The following GSAP variants were observed in gnomAD, a reference collection of about 807,000 sequenced individuals.
The protein encoded by GSAP is gamma-secretase activating protein.
GSAP carries 118 observed loss-of-function variants against 131.7 expected under a neutral mutation model. The ratio of observed to expected loss-of-function variants is 0.90; its 90% CI spans 0.77 to 1.04. The LOEUF (loss-of-function observed/expected upper bound fraction) is 1.04. GSAP is among the 50% of genes least tolerant of loss of function. The probability of loss-of-function intolerance (pLI) is 0.00; values close to 1 mark genes in which losing one functional copy is unlikely to be tolerated. For missense variants in GSAP, 1,019 were observed against 1,013.2 expected, an observed-to-expected ratio of 1.01 and a Z score of -0.08; for synonymous variants, 381 against 363.4, an observed-to-expected ratio of 1.05 and a Z score of -0.55.
At chr7:77,321,441 T>G in intron 24 of GSAP, 38 bp from the exon 25 acceptor site, 1 of 1,375,082 alleles carries the variant, frequency 7.3e-7, no homozygotes, top group Non-Finnish European at 1.0e-6. Flanking sequence ...ATTGCTCCAT[T>G]CCTTCCCTCA....
Position 77,381,362 on chromosome 7 carries a change from A to C in GSAP, c.527-8T>G. Reference sequence around the variant, plus strand: ...TACGAAATTGTTCAATATCTTTAAAAGAAAAACAAAGAAAGATAATTTAAC... The same window carrying C: ...TACGAAATTGTTCAATATCTTTAAACGAAAAACAAAGAAAGATAATTTAAC... On this transcript the variant is annotated splice_region_variant and splice_polypyrimidine_tract_variant and intron_variant, in intron 7 of 30. Coordinates refer to ENST00000257626, the MANE Select transcript of GSAP (RefSeq NM_017439.4). 7.1e-7 allele frequency: 1 copy of C among 1,417,328 alleles called. No homozygotes were observed. The highest frequency in any genetic ancestry group is 1.3e-5 in the South Asian group (1 of 79,822). 87.8% of individuals were successfully genotyped at this position (1,417,328 alleles called of 1,614,324 possible).
chr7:77,333,322 C>T (rs1428689817), intron 19 of GSAP, among the ~76,000 whole-genome samples: 2 of 152,126 alleles, frequency 1.3e-5, no homozygotes, highest in African/African-American at 4.8e-5. Flanking sequence ...AAGACACAGA[C>T]TAGAAGATGG....
chr7:77,361,858 A>T (rs1195120457), intron 13 of GSAP, among the ~76,000 whole-genome samples: 1 of 152,186 alleles, frequency 6.6e-6, no homozygotes, highest in Non-Finnish European at 1.5e-5. Flanking sequence ...TGGGCCATAG[A>T]TGTGTGAAAT....
intron 19 of GSAP, among the ~76,000 whole-genome samples, chr7:77,334,344 G>A (rs1262588817): frequency 6.6e-6 from 1 of 151,880 alleles, no homozygotes; most frequent in Non-Finnish European, 1.5e-5. Flanking sequence ...AATGGCACAT[G>A]TTCTCACTTA....
intron 12 of GSAP, among the ~76,000 whole-genome samples, chr7:77,370,905 C>A (rs1796021420): frequency 6.6e-6 from 1 of 152,182 alleles, no homozygotes; most frequent in Admixed American, 6.5e-5. Context: ...TACTACAATA[C>A]CATACTTGTT....
chr7:77,363,508 A>C (rs920952963), intron 12 of GSAP, among the ~76,000 whole-genome samples: 1 of 152,248 alleles, frequency 6.6e-6, no homozygotes, highest in Non-Finnish European at 1.5e-5. Flanking sequence ...AACGTTAACT[A>C]GCTGTGTGAA....
At chr7:77,339,653 A>G (rs1227356472) in intron 19 of GSAP, among the ~76,000 whole-genome samples, 1 of 152,228 alleles carries the variant, frequency 6.6e-6, no homozygotes, top group African/African-American at 2.4e-5. Flanking sequence ...AAACGTGAGG[A>G]GAAAGAGGGA....
chr7:77,393,682 T>TTTA (rs1240977659), intron 5 of GSAP, among the ~76,000 whole-genome samples: 1 of 150,334 alleles, frequency 6.7e-6, no homozygotes, highest in Non-Finnish European at 1.5e-5. Context: ...TTCTTTTTTT[T>TTTA]TTTTTTTTTG....
At chr7:77,390,208 C>T (rs919633661) in intron 5 of GSAP, among the ~76,000 whole-genome samples, 22 of 152,020 alleles carry the variant, frequency 1.4e-4, no homozygotes, top group South Asian at 6.2e-4. Context: ...GAGTAGGTTG[C>T]GAAAATTTTC....
At chr7:77,334,577 A>AT (rs1281737499) in intron 19 of GSAP, among the ~76,000 whole-genome samples, 13 of 122,568 alleles carry the variant, frequency 1.1e-4, no homozygotes, top group African/African-American at 1.6e-4. Flanking sequence ...GGAACTTAAA[A>AT]TTTAAAAAAA....
intron 19 of GSAP, among the ~76,000 whole-genome samples, chr7:77,337,563 G>A (rs1490505853): frequency 6.6e-6 from 1 of 152,140 alleles, no homozygotes; most frequent in African/African-American, 2.4e-5. Context: ...AGTTGCTCAG[G>A]GGCATCAGAC....
At chr7:77,373,981 T>C in intron 12 of GSAP, 89 bp downstream of exon 12, 1 of 746,116 alleles carries the variant, frequency 1.3e-6, no homozygotes, top group Non-Finnish European at 2.4e-6. Context: ...TCTGTTCTAT[T>C]TTCAGACTCC....
intron 3 of GSAP, among the ~76,000 whole-genome samples, chr7:77,403,987 T>C (rs1268122389): frequency 6.6e-6 from 1 of 152,142 alleles, no homozygotes; most frequent in Non-Finnish European, 1.5e-5. Context: ...TAGGCAAATA[T>C]TAGAAACAGG....
chr7:77,379,176 T>C (rs1797422143), intron 8 of GSAP, among the ~76,000 whole-genome samples: 1 of 152,002 alleles, frequency 6.6e-6, no homozygotes, highest in Non-Finnish European at 1.5e-5. Flanking sequence ...GGTAAAGGTA[T>C]GTACTAACAA....
At chr7:77,379,111 G>C (rs543408124) in intron 8 of GSAP, among the ~76,000 whole-genome samples, 1 of 151,968 alleles carries the variant, frequency 6.6e-6, no homozygotes, top group Non-Finnish European at 1.5e-5. Context: ...TCTAAACCTT[G>C]GACAATCATT....
chr7:77,363,033 G>A (rs1188241047), intron 12 of GSAP, among the ~76,000 whole-genome samples: 1 of 152,128 alleles, frequency 6.6e-6, no homozygotes, highest in Non-Finnish European at 1.5e-5. Flanking sequence ...TAACAGCTGT[G>A]AACACCAGTT....
chr7:77,375,838 C>T (rs1477379273), intron 10 of GSAP, among the ~76,000 whole-genome samples: 8 of 85,166 alleles, frequency 9.4e-5, no homozygotes, highest in South Asian at 4.0e-4. Context: ...AGTGAGACTC[C>T]GTCTTAAAAA....
intron 1 of GSAP, among the ~76,000 whole-genome samples, chr7:77,414,844 C>CTGTTTTTTTTTTTTTTTTTTTTTT (rs1803994472): frequency 1.7e-5 from 1 of 59,858 alleles, no homozygotes; most frequent in African/African-American, 7.4e-5. Context: ...ATGTGGGCGA[C>CTGTTTTTTTTTTTTTTTTTTTTTT]TTTTTTTTTT....
chr7:77,416,439 C>T (rs941158898), upstream of GSAP: 1 of 519,928 alleles, frequency 1.9e-6, no homozygotes, highest in Non-Finnish European at 3.3e-6. Context: ...TCCCCCGCCC[C>T]CTGCTGCTTT....
Sources: allele counts gnomAD v4.1 joint callset (sites outside exome capture counted in the v4.1 genomes callset), GRCh38; gene constraint gnomAD v4.1.1; transcripts MANE v1.5; gene names NCBI Gene and HGNC (gene_info 2026-07-23, HGNC 2026-07-21).